NRXN1: variants seen among roughly 807,000 people sequenced by gnomAD.
The protein encoded by NRXN1 is neurexin-1.
In NRXN1, 39 loss-of-function variants were observed where a neutral mutation model predicts 150.9. The observed-to-expected ratio is 0.26, with a 90% CI of 0.20 to 0.34. The LOEUF (loss-of-function observed/expected upper bound fraction) is 0.34, where lower values mean the gene tolerates loss of function less well. Ranked by LOEUF, NRXN1 falls within the 10% of genes least tolerant of loss-of-function variation. The pLI is 1.00. For synonymous variants in NRXN1, 924 were observed against 757.0 expected (o/e 1.22, Z -3.62); for missense variants, 1,815 against 1,949.9 (o/e 0.93, Z 1.30).
intron 17 of NRXN1, among the ~76,000 whole-genome samples, chr2:50,286,148 C>G (rs2072131572): frequency 6.6e-6 from 1 of 152,106 alleles, no homozygotes; most frequent in South Asian, 2.1e-4. Context: ...GAAAACACTT[C>G]ACATCCACTG....
At chr2:50,334,010 G>A (rs2077000163) in intron 17 of NRXN1, among the ~76,000 whole-genome samples, 1 of 151,802 alleles carries the variant, frequency 6.6e-6, no homozygotes, top group South Asian at 2.1e-4. Flanking sequence ...CACAAGTGAA[G>A]GATGGAGCCC....
At chr2:50,233,941 C>T (rs928437664) in intron 18 of NRXN1, among the ~76,000 whole-genome samples, 2 of 152,016 alleles carry the variant, frequency 1.3e-5, no homozygotes. Context: ...AAGAACAGTT[C>T]TGCTTCTATC....
chr2:50,398,888 T>G (rs1315113559), intron 17 of NRXN1, among the ~76,000 whole-genome samples: 1 of 152,150 alleles, frequency 6.6e-6, no homozygotes, highest in Non-Finnish European at 1.5e-5. Flanking sequence ...AGTTTCATCA[T>G]GCAGTCATTT....
intron 9 of NRXN1, among the ~76,000 whole-genome samples, chr2:50,543,539 T>C (rs1186835532): frequency 6.6e-6 from 1 of 152,072 alleles, no homozygotes. Context: ...AGAGGTAAAA[T>C]GAAGGTGATA....
intron 22 of NRXN1, among the ~76,000 whole-genome samples, chr2:49,924,239 G>T (rs538852613): frequency 5.3e-5 from 8 of 152,122 alleles, no homozygotes; most frequent in Non-Finnish European, 1.2e-4. Context: ...CAGCCTGATG[G>T]AATGCTTTCA....
intron 5 of NRXN1, among the ~76,000 whole-genome samples, chr2:50,721,715 TG>T (rs987097212): frequency 9.2e-4 from 140 of 152,230 alleles, no homozygotes; most frequent in African/African-American, 3.2e-3. Flanking sequence ...CCTTGTGGTA[TG>T]TTTTTTTTCA....
At chr2:50,672,127 A>G (rs1688940503) in intron 5 of NRXN1, among the ~76,000 whole-genome samples, 1 of 151,968 alleles carries the variant, frequency 6.6e-6, no homozygotes, top group African/African-American at 2.4e-5. Flanking sequence ...ATAATTTGCT[A>G]TAATACCATT....
At chr2:50,720,005 CATGTTTAAAGAACAAATTACAAA>C (rs1308334032) in intron 5 of NRXN1, among the ~76,000 whole-genome samples, 1 of 152,130 alleles carries the variant, frequency 6.6e-6, no homozygotes, top group African/African-American at 2.4e-5. Flanking sequence ...CACACAGATA[CATGTTTAAAGAACAAATTACAAA>C]ACTGGTCAAT....
At chr2:50,632,443 T>C (rs1211314173) in intron 5 of NRXN1, 2 of 152,172 alleles carry the variant, frequency 1.3e-5, no homozygotes, top group African/African-American at 2.4e-5. Flanking sequence ...AACAAAATAA[T>C]GATCTCTATA....
intron 5 of NRXN1, among the ~76,000 whole-genome samples, chr2:50,789,697 T>C (rs1388534991): frequency 1.2e-4 from 18 of 151,956 alleles, no homozygotes; most frequent in Non-Finnish European, 1.5e-5. Flanking sequence ...AATGAGACAA[T>C]TTAGACAAGG....
chr2:50,409,019 G>C (rs540333447), intron 17 of NRXN1, among the ~76,000 whole-genome samples: 3 of 152,256 alleles, frequency 2.0e-5, no homozygotes, highest in African/African-American at 7.2e-5. Flanking sequence ...CATTCTGGTT[G>C]ATCCTTTTTC....
chr2:50,280,169 T>C (rs560166314), intron 17 of NRXN1, among the ~76,000 whole-genome samples: 131 of 151,504 alleles, frequency 8.6e-4, no homozygotes, highest in African/African-American at 3.0e-3. Flanking sequence ...TCCCAGCTAC[T>C]TGGGAATCTG....
intron 5 of NRXN1, among the ~76,000 whole-genome samples, chr2:50,671,482 T>C (rs1023693141): frequency 1.3e-5 from 2 of 151,680 alleles, no homozygotes; most frequent in African/African-American, 4.8e-5. Flanking sequence ...ATTTTTCTGA[T>C]AATTATAAGT....
At chr2:50,092,985 C>G (rs374477321) in intron 18 of NRXN1, among the ~76,000 whole-genome samples, 1 of 151,710 alleles carries the variant, frequency 6.6e-6, no homozygotes, top group African/African-American at 2.4e-5. Flanking sequence ...AAATGAGATT[C>G]TTTAAAATTT....
chr2:50,736,382 T>TGA (rs2105237942), intron 5 of NRXN1, among the ~76,000 whole-genome samples: 1 of 152,272 alleles, frequency 6.6e-6, no homozygotes, highest in African/African-American at 2.4e-5. Context: ...CTCTTCTTCC[T>TGA]GACATAGATG....
chr2:50,885,149 G>A (rs191761592), intron 5 of NRXN1, among the ~76,000 whole-genome samples: 1 of 151,306 alleles, frequency 6.6e-6, no homozygotes, highest in Non-Finnish European at 1.5e-5. Context: ...ACACAAAAGG[G>A]CTCATCTTTA....
chr2:50,511,904 T>G (rs570562440), intron 12 of NRXN1, among the ~76,000 whole-genome samples: 2 of 152,150 alleles, frequency 1.3e-5, no homozygotes, highest in Non-Finnish European at 2.9e-5. Context: ...CTTTAAATAT[T>G]AGTCTCAGAA....
At chr2:50,786,558 G>T (rs546776007) in intron 5 of NRXN1, among the ~76,000 whole-genome samples, 3 of 152,252 alleles carry the variant, frequency 2.0e-5, no homozygotes, top group South Asian at 2.1e-4. Flanking sequence ...TCAAGTGGAA[G>T]ACAAGATTAT....
intron 18 of NRXN1, among the ~76,000 whole-genome samples, chr2:50,145,612 C>A (rs1188971581): frequency 1.3e-5 from 2 of 151,552 alleles, no homozygotes; most frequent in South Asian, 2.1e-4. Context: ...GAAGAGATTC[C>A]TTATTTTTTA....
Sources: gnomAD v4.1 joint callset for allele counts (sites outside exome capture counted in the v4.1 genomes callset) on GRCh38, gnomAD v4.1.1 for gene constraint, MANE v1.5 for transcripts, NCBI Gene and HGNC (gene_info 2026-07-23, HGNC 2026-07-21) for gene names.